Variants in PLEKHA7 observed in about 807,000 individuals in gnomAD.
The protein encoded by PLEKHA7 is pleckstrin homology domain-containing family A member 7.
PLEKHA7 carries 104 observed loss-of-function variants against 170.0 expected under a neutral mutation model. The ratio of observed to expected loss-of-function variants is 0.61; its 90% CI spans 0.52 to 0.72. The LOEUF (loss-of-function observed/expected upper bound fraction) is 0.72, where lower values mean the gene tolerates loss of function less well. PLEKHA7 is among the 30% of genes least tolerant of loss of function. PLEKHA7 has a pLI of 0.00. For synonymous variants in PLEKHA7, 648 were observed against 660.8 expected (o/e 0.98, Z 0.30); for missense variants, 1,615 against 1,671.7 (o/e 0.97, Z 0.59).
At chr11:16,794,137 T>A (rs1202130372) in intron 19 of PLEKHA7, among the ~76,000 whole-genome samples, 3 of 151,914 alleles carry the variant, frequency 2.0e-5, no homozygotes, top group Admixed American at 2.0e-4. Flanking sequence ...CCCCTGCGGA[T>A]TTGCACAAAG....
chr11:16,804,896 G>C (rs217743), intron 13 of PLEKHA7, among the ~76,000 whole-genome samples: 19,298 of 152,224 alleles, frequency 0.13, 1,679 homozygotes, highest in African/African-American at 0.24. Context: ...ATGCGGGGGG[G>C]GCGGTGCAGG....
At chr11:16,820,826 C>T (rs933896516) in intron 10 of PLEKHA7, among the ~76,000 whole-genome samples, 1 of 152,190 alleles carries the variant, frequency 6.6e-6, no homozygotes, top group African/African-American at 2.4e-5. Context: ...TCCATTTACA[C>T]ATAGTCTGCC....
At chr11:16,847,160 G>A (rs1435974894) in intron 8 of PLEKHA7, among the ~76,000 whole-genome samples, 3 of 134,418 alleles carry the variant, frequency 2.2e-5, no homozygotes, top group African/African-American at 8.5e-5. Flanking sequence ...GCAGTGGCAC[G>A]ATCTCAGCTC....
At chr11:16,919,952 T>C (rs1477138240) in intron 3 of PLEKHA7, among the ~76,000 whole-genome samples, 2 of 152,192 alleles carry the variant, frequency 1.3e-5, no homozygotes, top group East Asian at 1.9e-4. Context: ...CAGCCGTTTT[T>C]CATAACAGAG....
chr11:16,810,557 C>A (rs1849300088), intron 13 of PLEKHA7, among the ~76,000 whole-genome samples: 2 of 152,216 alleles, frequency 1.3e-5, no homozygotes, highest in Non-Finnish European at 2.9e-5. Context: ...ACCGGGGTAG[C>A]AGCTATAAGA....
intron 3 of PLEKHA7, among the ~76,000 whole-genome samples, chr11:16,893,744 C>CTG (rs1856824809): frequency 6.6e-6 from 1 of 152,186 alleles, no homozygotes; most frequent in African/African-American, 2.4e-5. Context: ...ACTCTTACTC[C>CTG]GTAAACCAGG....
intron 23 of PLEKHA7, chr11:16,786,647 A>T (rs1335301495): frequency 1.4e-5 from 14 of 985,288 alleles, no homozygotes; most frequent in Non-Finnish European, 1.6e-5. Context: ...CTTCAGGCTC[A>T]CAGTGGTCCC....
In PLEKHA7 at chr11:16,789,349, C is replaced by T; in HGVS notation, c.3157-53G>A. 1.3e-6 allele frequency: 2 copies of T among 1,537,616 alleles called. No homozygotes were observed. The highest frequency in any genetic ancestry group is 8.9e-7 in the Non-Finnish European group (1 of 1,117,660). ...ACACAGAACAGCTGGGCTGGGCACG[C>T]AGAGGACAGCCACCCTGCTGGCTGC... On this transcript the variant is annotated intron_variant, in intron 22 of 26. Transcript: ENST00000531066. The surrounding 1 kb of genome is among the most constrained non-coding windows in gnomAD (Gnocchi z 4.6).
At chr11:16,952,514 T>C (rs1349706261) in intron 3 of PLEKHA7, among the ~76,000 whole-genome samples, 2 of 152,132 alleles carry the variant, frequency 1.3e-5, no homozygotes, top group Non-Finnish European at 2.9e-5. Context: ...TCAGAGTTTC[T>C]ATCATTTGCA....
intron 3 of PLEKHA7, among the ~76,000 whole-genome samples, chr11:16,934,117 C>T (rs368287657): frequency 5.9e-4 from 90 of 152,262 alleles, no homozygotes; most frequent in African/African-American, 1.9e-3. Context: ...TGCCTCCTGC[C>T]GGCTTGGGAG....
intron 3 of PLEKHA7, among the ~76,000 whole-genome samples, chr11:16,895,262 C>T (rs1180446235): frequency 6.6e-6 from 1 of 152,188 alleles, no homozygotes; most frequent in African/African-American, 2.4e-5. Context: ...AGCAATCAGG[C>T]ATGGACACTG....
rs540581225 is a variant in PLEKHA7 at position 16,866,429 on chromosome 11, T to A, written c.305+4670A>T. ...CAACATGGTGAAACCCCGTCTCTAC[T>A]AAAAATACAAAAATTAGCTGGGTGT... On this transcript the variant is annotated intron_variant, in intron 4 of 26. Transcript: ENST00000531066. 3.7e-4 allele frequency among the ~76,000 whole-genome samples: 56 copies of A among 151,954 alleles called. No individual in the cohort carries two copies. In the South Asian group the frequency reaches 8.7e-3, roughly 24 times the overall value.
intron 3 of PLEKHA7, among the ~76,000 whole-genome samples, chr11:16,975,170 CCTCTT>C (rs961914353): frequency 2.6e-5 from 4 of 152,014 alleles, no homozygotes; most frequent in Admixed American, 2.6e-4. Context: ...AGAAATGTAC[CCTCTT>C]CTAAGTCTTC....
At chr11:16,780,561 C>T (rs2134100090) in intron 26 of PLEKHA7, among the ~76,000 whole-genome samples, 1 of 152,308 alleles carries the variant, frequency 6.6e-6, no homozygotes, top group South Asian at 2.1e-4. Context: ...TGGCCAAAGC[C>T]CTGAAAGGCC....
intron 23 of PLEKHA7, chr11:16,786,665 A>G: frequency 1.0e-6 from 1 of 985,432 alleles, no homozygotes; most frequent in Non-Finnish European, 1.2e-6. Flanking sequence ...CCCCAGGGAA[A>G]TAGAAGGCTC....
chr11:16,985,751 C>T (rs1442738279), intron 3 of PLEKHA7, among the ~76,000 whole-genome samples: 3 of 152,216 alleles, frequency 2.0e-5, no homozygotes, highest in African/African-American at 2.4e-5. Flanking sequence ...GAGGGAGAGA[C>T]AGAGAGACAT....
chr11:16,995,853 G>A (rs962247868), intron 3 of PLEKHA7, among the ~76,000 whole-genome samples: 5 of 152,040 alleles, frequency 3.3e-5, no homozygotes, highest in Non-Finnish European at 7.4e-5. Flanking sequence ...ATGCAGGTGT[G>A]GTTAAAAACC....
At chr11:16,812,088 TG>T (rs1313467846) in intron 13 of PLEKHA7, among the ~76,000 whole-genome samples, 1 of 152,246 alleles carries the variant, frequency 6.6e-6, no homozygotes, top group Non-Finnish European at 1.5e-5. Flanking sequence ...CAAGACTATC[TG>T]GAAGTATCTC....
intron 3 of PLEKHA7, among the ~76,000 whole-genome samples, chr11:16,941,673 T>G (rs1240994402): frequency 6.6e-6 from 1 of 152,232 alleles, no homozygotes; most frequent in African/African-American, 2.4e-5. Flanking sequence ...TTTATTAGCT[T>G]TTTTATACAT....
Sources: gnomAD v4.1 joint callset for allele counts (sites outside exome capture counted in the v4.1 genomes callset) on GRCh38, gnomAD v4.1.1 for gene constraint, Gnocchi (gnomAD v3.1) non-coding constraint, MANE v1.5 for transcripts, NCBI Gene and HGNC (gene_info 2026-07-23, HGNC 2026-07-21) for gene names.